BCAN: variants seen among roughly 807,000 people sequenced by gnomAD.
The protein encoded by BCAN is brevican core protein.
In BCAN, 51 loss-of-function variants were observed where a neutral mutation model predicts 92.4. That is an observed-to-expected ratio of 0.55 (90% CI 0.44 to 0.70). The LOEUF (loss-of-function observed/expected upper bound fraction) is 0.70, where lower values mean the gene tolerates loss of function less well. Among genes scored for constraint, BCAN ranks in the 30% least tolerant of loss-of-function variants. BCAN has a pLI of 0.00. For synonymous variants in BCAN, 501 were observed against 505.2 expected, an observed-to-expected ratio of 0.99 and a Z score of 0.11; for missense variants, 1,140 against 1,212.1, an observed-to-expected ratio of 0.94 and a Z score of 0.88.
Position 156,648,609 on chromosome 1 carries a change from G to A in BCAN, c.811G>A (p.Glu271Lys), listed in dbSNP as rs766638474. ...TGACCCTCCAGAGAAGCTGACATTG[G>A]AGGAAGCACGGGCGTACTGCCAGGA... ...LGDPPEKLTL[E>K]EARAYCQERG... The change falls in exon 6 of 14, where the codon GAG (glutamate) becomes AAG (lysine). Residue 271 changes from glutamate (E) to lysine (K), a missense_variant. Around this residue, in one of 3 missense-constraint regions of BCAN, gnomAD observed 825 missense variants for 871.8 expected, o/e 0.95. Coordinates refer to ENST00000329117, the MANE Select transcript of BCAN (RefSeq NM_021948.5). 6.2e-7 allele frequency: 1 copy of A among 1,604,794 alleles called. No homozygotes were observed. The highest frequency in any genetic ancestry group is 8.5e-7 in the Non-Finnish European group (1 of 1,172,296).
At chr1:156,653,388 C>G in intron 8 of BCAN, 1 of 1,009,408 alleles carries the variant, frequency 9.9e-7, no homozygotes, top group African/African-American at 1.7e-5. Flanking sequence ...GAGCCTTAAG[C>G]AACTACTTCT....
chr1:156,657,859 G>A lies in BCAN; in HGVS notation c.2292+102G>A, dbSNP rs1679391134. On this transcript the variant is annotated intron_variant, in intron 11 of 13. Transcript: ENST00000329117. ...CCCGACCCTGTCCCCTTCTTTTTCC[G>A]GCCTCCTTCCCTTTCTCGTGCCCTG... 4.3e-6 allele frequency: 4 copies of A among 923,502 alleles called. 1 individual carries two copies. The highest frequency in any genetic ancestry group is 4.5e-4 in the Middle Eastern group (2 of 4,420). The allele number at this position is 923,502 out of a possible 1,614,324, so 57.2% of individuals were successfully genotyped here. A position where few individuals can be genotyped will look rare whatever the true frequency, so the allele number is the denominator to read the frequency against.
At position 156,647,798 on chromosome 1, in the gene BCAN, G is replaced by C. The variant is rs1270944025; in HGVS notation, c.641+116G>C. 7.2e-6 allele frequency: 11 copies of C among 1,536,582 alleles called. No individual in the cohort carries two copies. Among genetic ancestry groups the C allele is most frequent in the Non-Finnish European group, 9.8e-6 (11 of 1,120,898 alleles). On this transcript the variant is annotated intron_variant, in intron 4 of 13. Transcript: ENST00000329117. This position sits in a 1 kb window ranked among gnomAD's most constrained non-coding sequence, Gnocchi z 4.8. ...GACATGCAGGGCTTTTTGCCTCTGG[G>C]GGATGAGGCTGGTCTGAGGAGGGGA...
In BCAN at chr1:156,652,689, G is replaced by C; in HGVS notation, c.1739G>C (p.Gly580Ala). ...CCTGAGCTATCTGGGGTCCCTCGAG[G>C]AGAGAGCGAGGAGACAGGAAGCTCC... ...GGPELSGVPR[G>A]ESEETGSSEG... The change falls in exon 8 of 14, where the codon GGA (glycine) becomes GCA (alanine). Residue 580 changes from glycine (G) to alanine (A), a missense_variant. Physicochemically the swap from Gly to Ala is moderately conservative, Grantham distance 60 (BLOSUM62 0). Transcript: ENST00000329117. 6.2e-7 allele frequency: 1 copy of C among 1,610,682 alleles called. No homozygotes were observed. Among genetic ancestry groups the C allele is most frequent in the South Asian group, 1.1e-5 (1 of 90,836 alleles).
chr1:156,647,050 C>T lies in BCAN; in HGVS notation c.341C>T (p.Pro114Leu). The change falls in exon 3 of 14, where the codon CCA (proline) becomes CTA (leucine). Residue 114 changes from proline to leucine, a missense_variant. This residue lies in a region of BCAN where 286 missense variants were observed against 284.1 expected (regional missense o/e 1.01). Coordinates refer to ENST00000329117, the MANE Select transcript of BCAN (RefSeq NM_021948.5). The surrounding 1 kb of genome is among the most constrained non-coding windows in gnomAD (Gnocchi z 4.8). ...TTCCGCGTGGCACTGCCTGCGTACC[C>T]AGCGTCGCTCACCGACGTCTCCCTG... is the stretch of plus-strand genomic sequence containing the variant. ...YRFRVALPAY[P>L]ASLTDVSLAL... is the part of the protein sequence containing the mutation. The T allele has an allele frequency of 6.2e-7, 1 of 1,611,718 alleles. No homozygotes were observed. The highest frequency in any genetic ancestry group is 8.5e-7 in the Non-Finnish European group (1 of 1,178,486).
In BCAN at chr1:156,659,246, C is replaced by A; in HGVS notation, c.*112C>A. 2.5e-6 allele frequency: 2 copies of A among 805,318 alleles called. No individual in the cohort carries two copies. The highest frequency in any genetic ancestry group is 3.0e-5 in the Admixed American group (1 of 32,932). 49.9% of individuals were successfully genotyped at this position (805,318 alleles called of 1,614,324 possible). On this transcript the variant is annotated 3_prime_UTR_variant, in exon 14 of 14. Transcript: ENST00000329117. ...AGTGACAACATGACGAGGGGTGGTA[C>A]TGGAGTCCAGGTGACAGTTCCTGAA... is the stretch of plus-strand genomic sequence containing the variant.
At chr1:156,643,267 A>G (rs1678848004) in intron 1 of BCAN, 1 of 152,232 alleles carries the variant, frequency 6.6e-6, no homozygotes, top group African/African-American at 2.4e-5. Context: ...CAGATTCTAT[A>G]CGAGAGGGAT....
intron 6 of BCAN, among the ~76,000 whole-genome samples, chr1:156,649,518 T>G (rs1679092440): frequency 6.6e-6 from 1 of 152,168 alleles, no homozygotes; most frequent in Non-Finnish European, 1.5e-5. Context: ...ATCCTTCCAC[T>G]TCAACCTCCG....
intron 5 of BCAN, 25 bp from the exon 6 acceptor site, chr1:156,648,543 A>C (rs538390480): frequency 6.4e-7 from 1 of 1,557,370 alleles, no homozygotes; most frequent in South Asian, 1.2e-5. Context: ...CTGCCTGATA[A>C]CCCAGCCTTC....
At chr1:156,657,594 A>C in intron 10 of BCAN, 81 bp from the exon 11 acceptor site, 1 of 1,165,694 alleles carries the variant, frequency 8.6e-7, no homozygotes, top group Non-Finnish European at 1.2e-6. Context: ...TTTCCAAGGC[A>C]GTCACCGCAG....
chr1:156,651,549 C>A lies in BCAN; in HGVS notation c.1157C>A (p.Thr386Asn), dbSNP rs867087628. Residue 386 changes from threonine (T) to asparagine (N), a missense_variant, in exon 7 of 14, where the codon ACC (threonine) becomes AAC (asparagine). Thr to Asn is a moderately conservative substitution (Grantham distance 65). Coordinates refer to ENST00000329117, the MANE Select transcript of BCAN (RefSeq NM_021948.5). ...GLEAIVTVTE[T>N]LEELQLPQEA... The stretch of plus-strand genomic sequence containing the variant: ...GAGGCTATCGTCACAGTGACAGAGA[C>A]CCTGGAGGAACTGCAGCTGCCTCAG... 1.9e-6 allele frequency: 3 copies of A among 1,613,990 alleles called. No individual in the cohort carries two copies. The highest frequency in any genetic ancestry group is 2.5e-6 in the Non-Finnish European group (3 of 1,179,998).
rs555342639 is a variant in BCAN at position 156,659,352 on chromosome 1, G to C, written c.*218G>C. 1.8e-6 allele frequency: 1 copy of C among 540,748 alleles called. No homozygotes were observed. Among genetic ancestry groups the C allele is most frequent in the Non-Finnish European group, 3.2e-6 (1 of 309,618 alleles). 33.5% of individuals were successfully genotyped at this position (540,748 alleles called of 1,614,324 possible). The stretch of plus-strand genomic sequence containing the variant: ...ACCCTGGGCACCAGATCTTCCATCA[G>C]GGCCGGAGTAAATCCCTAAGTGCCT... On this transcript the variant is annotated 3_prime_UTR_variant, in exon 14 of 14. Transcript: ENST00000329117.
At chr1:156,650,290 G>A (rs917111379) in intron 6 of BCAN, among the ~76,000 whole-genome samples, 4 of 152,176 alleles carry the variant, frequency 2.6e-5, no homozygotes, top group Non-Finnish European at 5.9e-5. Context: ...TTGGGACTAC[G>A]ATTGGTGGAG....
At position 156,648,563 on chromosome 1, in the gene BCAN, C is replaced by T. The variant is rs1241978831; in HGVS notation, c.770-5C>T. 1.3e-6 allele frequency: 2 copies of T among 1,577,684 alleles called. No individual in the cohort carries two copies. The highest frequency in any genetic ancestry group is 1.1e-5 in the South Asian group (1 of 88,642). Reference sequence around the variant, plus strand: ...TGATAACCCAGCCTTCTCTTCTCCACCCAGGAGAACTGTTCCTGGGTGACC... The same window carrying T: ...TGATAACCCAGCCTTCTCTTCTCCATCCAGGAGAACTGTTCCTGGGTGACC... On this transcript the variant is annotated splice_polypyrimidine_tract_variant and splice_region_variant and intron_variant, in intron 5 of 13. Transcript: ENST00000329117.
In BCAN at chr1:156,656,322, C is replaced by CT; in HGVS notation, c.1985dup (p.Leu662PhefsTer106). 6.9e-7 allele frequency: 1 copy of CT among 1,444,518 alleles called. No individual in the cohort carries two copies. Among genetic ancestry groups the CT allele is most frequent in the Non-Finnish European group, 9.0e-7 (1 of 1,105,014 alleles). 89.5% of individuals were successfully genotyped at this position (1,444,518 alleles called of 1,614,324 possible). On this transcript the variant is annotated frameshift_variant, in exon 9 of 14. Transcript: ENST00000329117. LOFTEE classifies it high-confidence loss of function. Reference sequence around the variant, plus strand: ...GCCCCTGCCACAATGGTGGGACATGCTTGGAGGAGGAGGAAGGGGTCCGCT... The same window carrying CT: ...GCCCCTGCCACAATGGTGGGACATGCTTTGGAGGAGGAGGAAGGGGTCCGCT...
In BCAN at chr1:156,647,078, G is replaced by T. The variant is rs1197009039; in HGVS notation, c.369G>T (p.Ala123=). ...CGTCGCTCACCGACGTCTCCCTGGC[G>T]CTGAGCGAGCTGCGCCCCAACGACT... The part of the protein sequence containing the change: ...YPASLTDVSL[A]LSELRPNDSG... Residue 123 remains alanine (A), a synonymous_variant, in exon 3 of 14, where the codon GCG becomes GCT. Coordinates refer to ENST00000329117, the MANE Select transcript of BCAN (RefSeq NM_021948.5). This position sits in a 1 kb window ranked among gnomAD's most constrained non-coding sequence, Gnocchi z 4.8. 4 of 1,609,528 alleles carry T rather than the reference G, an allele frequency of 2.5e-6. No individual in the cohort carries two copies. Among genetic ancestry groups the T allele is most frequent in the African/African-American group, 2.7e-5 (2 of 74,844 alleles).
Position 156,658,327 on chromosome 1 carries a change from C to T in BCAN, c.2437+56C>T, listed in dbSNP as rs1392705505. 2.4e-5 allele frequency: 38 copies of T among 1,592,016 alleles called. No homozygotes were observed. Among genetic ancestry groups the T allele is most frequent in the Non-Finnish European group, 3.2e-5 (37 of 1,167,378 alleles). ...GGAAGTGGAGGGGTGGGCTAGGGGACCAGAGGGACTGATGTTTGTAGACAG... is the reference window on the plus strand; with the variant it reads ...GGAAGTGGAGGGGTGGGCTAGGGGATCAGAGGGACTGATGTTTGTAGACAG... On this transcript the variant is annotated intron_variant, in intron 12 of 13. Coordinates refer to ENST00000329117, the MANE Select transcript of BCAN (RefSeq NM_021948.5). This position sits in a 1 kb window ranked among gnomAD's most constrained non-coding sequence, Gnocchi z 4.4.
chr1:156,650,897 C>T (rs552172023), intron 6 of BCAN, among the ~76,000 whole-genome samples: 14 of 152,298 alleles, frequency 9.2e-5, no homozygotes, highest in South Asian at 6.2e-4. Context: ...GAGCTGGGAT[C>T]GTGCCACTGC....
rs374332474 is a variant in BCAN, at chr1:156,646,001, A to T, written c.-8-46A>T. 1.1e-5 allele frequency: 17 copies of T among 1,540,084 alleles called. No homozygotes were observed. In the African/African-American group the frequency reaches 2.3e-4, roughly 21 times the overall value. ...GTGGTAGGGAGCAGGGGGGAAGTCC[A>T]TCCTGAAGTCTAACCCCATCTTTCC... On this transcript the variant is annotated intron_variant, in intron 1 of 13. Coordinates refer to ENST00000329117, the MANE Select transcript of BCAN (RefSeq NM_021948.5).
Sources: gnomAD v4.1 joint callset for allele counts (sites outside exome capture counted in the v4.1 genomes callset) on GRCh38, gnomAD v4.1.1 for gene constraint, gnomAD v4.1.1 regional missense constraint, Gnocchi (gnomAD v3.1) non-coding constraint, MANE v1.5 for transcripts, NCBI Gene and HGNC (gene_info 2026-07-23, HGNC 2026-07-21) for gene names.